APBA1: variants seen among roughly 807,000 people sequenced by gnomAD.
APBA1 encodes the protein amyloid-beta A4 precursor protein-binding family A member 1.
APBA1 carries 55 observed loss-of-function variants against 86.6 expected under a neutral mutation model. The observed-to-expected ratio is 0.64, with a 90% CI of 0.51 to 0.80. The LOEUF (loss-of-function observed/expected upper bound fraction) is 0.80, where lower values mean the gene tolerates loss of function less well. APBA1 is among the 30% of genes least tolerant of loss of function. APBA1 has a pLI of 0.00. For synonymous variants in APBA1, 511 were observed against 493.9 expected, an observed-to-expected ratio of 1.03 and a Z score of -0.46; for missense variants, 1,090 against 1,183.0, an observed-to-expected ratio of 0.92 and a Z score of 1.15.
intron 1 of APBA1, among the ~76,000 whole-genome samples, chr9:69,634,727 G>A (rs552286858): frequency 2.6e-5 from 4 of 152,234 alleles, no homozygotes; most frequent in East Asian, 3.9e-4. Context: ...AAAGCAGCAC[G>A]ATAAAAGAAA....
intron 12 of APBA1, among the ~76,000 whole-genome samples, chr9:69,431,930 CTGACAGCAGTGATAAATGAA>C (rs1834605111): frequency 6.9e-6 from 1 of 145,374 alleles, no homozygotes; most frequent in Non-Finnish European, 1.5e-5. Flanking sequence ...GCAGTGTTGA[CTGACAGCAGTGATAAATGAA>C]TGACAGCAGT....
At chr9:69,665,927 C>T (rs1308179000) in intron 1 of APBA1, among the ~76,000 whole-genome samples, 1 of 152,138 alleles carries the variant, frequency 6.6e-6, no homozygotes, top group Non-Finnish European at 1.5e-5. Context: ...GTAGAGACAG[C>T]ATTTCGCCAT....
At chr9:69,543,263 CT>C (rs1390430687) in intron 1 of APBA1, among the ~76,000 whole-genome samples, 1 of 95,278 alleles carries the variant, frequency 1.0e-5, no homozygotes, top group East Asian at 3.5e-4. Context: ...CCACTCCCTG[CT>C]GTGCTGGGAT....
intron 1 of APBA1, among the ~76,000 whole-genome samples, chr9:69,522,973 C>T (rs1020763559): frequency 4.9e-4 from 75 of 152,178 alleles, no homozygotes; most frequent in African/African-American, 1.7e-3. Context: ...CTGTGGCATC[C>T]TGGCTACAGG....
chr9:69,639,154 C>T (rs1247439129), intron 1 of APBA1, among the ~76,000 whole-genome samples: 2 of 152,054 alleles, frequency 1.3e-5, no homozygotes, highest in Admixed American at 1.3e-4. Context: ...ATTTTTTCGG[C>T]ATTATTTTCA....
At chr9:69,577,095 A>C (rs1265573989) in intron 1 of APBA1, among the ~76,000 whole-genome samples, 2 of 152,192 alleles carry the variant, frequency 1.3e-5, no homozygotes, top group Non-Finnish European at 2.9e-5. Context: ...TAGCATATCC[A>C]TCATCTCAAA....
intron 1 of APBA1, among the ~76,000 whole-genome samples, chr9:69,612,745 T>C (rs940020419): frequency 6.6e-6 from 1 of 151,990 alleles, no homozygotes; most frequent in Non-Finnish European, 1.5e-5. Context: ...AGAAAAACTA[T>C]GTTCTTTATT....
rs80027888 is a variant in APBA1, at chr9:69,622,304, T to C, written c.-70+49849A>G. 5.9e-3 allele frequency among the ~76,000 whole-genome samples: 905 copies of C among 152,296 alleles called. 7 individuals carry two copies. Among genetic ancestry groups the C allele is most frequent in the African/African-American group, 0.02 (852 of 41,564 alleles). On this transcript the variant is annotated intron_variant, in intron 1 of 12. Transcript: ENST00000265381. ...ACATCTCCTCCAGCAAAATCATCTC[T>C]AGAAAGTGAAACAAAGAAATGAATC... is the stretch of plus-strand genomic sequence containing the variant.
At chr9:69,666,495 C>A (rs1181127029) in intron 1 of APBA1, among the ~76,000 whole-genome samples, 2 of 151,434 alleles carry the variant, frequency 1.3e-5, no homozygotes, top group Non-Finnish European at 2.9e-5. Flanking sequence ...TATTTTTAAT[C>A]TCCTTCCACT....
chr9:69,432,015 T>C (rs1360478965), intron 12 of APBA1, among the ~76,000 whole-genome samples: 2 of 152,098 alleles, frequency 1.3e-5, no homozygotes, highest in African/African-American at 2.4e-5. Flanking sequence ...ACAGCAGTGA[T>C]GAATGACAGC....
At chr9:69,448,016 C>G (rs1480996154) in intron 10 of APBA1, among the ~76,000 whole-genome samples, 1 of 152,088 alleles carries the variant, frequency 6.6e-6, no homozygotes, top group Non-Finnish European at 1.5e-5. Context: ...TAGCCCCACC[C>G]CCCCGCTTGC....
intron 1 of APBA1, among the ~76,000 whole-genome samples, chr9:69,518,079 C>T (rs553198628): frequency 8.5e-5 from 13 of 152,196 alleles, no homozygotes; most frequent in Non-Finnish European, 1.5e-4. Flanking sequence ...TTCCCTATTG[C>T]GCACTCAGCA....
chr9:69,626,837 A>C lies in APBA1; in HGVS notation c.-70+45316T>G, dbSNP rs1316021078. On this transcript the variant is annotated intron_variant, in intron 1 of 12. Coordinates refer to ENST00000265381, the MANE Select transcript of APBA1 (RefSeq NM_001163.4). ...CTTGGCCCATATTTATTTACCTACT[A>C]ATGTCAGCCAGTAAGCCCTCAAACT... 2.0e-5 allele frequency among the ~76,000 whole-genome samples: 3 copies of C among 151,964 alleles called. No individual in the cohort carries two copies. In the East Asian group the frequency reaches 5.8e-4, roughly 29 times the overall value.
intron 1 of APBA1, among the ~76,000 whole-genome samples, chr9:69,671,800 A>G (rs899568111): frequency 8.6e-5 from 13 of 151,850 alleles, no homozygotes; most frequent in Admixed American, 5.9e-4. Context: ...TCACCCCCCA[A>G]CACCTCCGTC....
At position 69,427,984 on chromosome 9, in the gene APBA1, G is replaced by A. The variant is rs1834517210; in HGVS notation, c.*3343C>T. Reference sequence around the variant, plus strand: ...AGTCCTCACACACTGCCTTGATGGAGGGGAAGAAAGATCGAGTTGTGTGCT... The same window carrying A: ...AGTCCTCACACACTGCCTTGATGGAAGGGAAGAAAGATCGAGTTGTGTGCT... On this transcript the variant is annotated 3_prime_UTR_variant, in exon 13 of 13. Transcript: ENST00000265381. 1 of 152,240 alleles carries A rather than the reference G, an allele frequency of 6.6e-6. No homozygotes were observed. The highest frequency in any genetic ancestry group is 6.5e-5 in the Admixed American group (1 of 15,274). The allele number at this position is 152,240 out of a possible 1,614,324, so 9.4% of individuals were successfully genotyped here.
intron 1 of APBA1, among the ~76,000 whole-genome samples, chr9:69,558,704 A>G (rs1480182218): frequency 6.6e-6 from 1 of 151,966 alleles, no homozygotes; most frequent in Non-Finnish European, 1.5e-5. Flanking sequence ...TGTTATGCCT[A>G]GTACCCAATA....
rs149159469 is a variant in APBA1 at position 69,430,751 on chromosome 9, T to C, written c.*576A>G. 8.6e-3 allele frequency: 1,305 copies of C among 152,410 alleles called. 9 individuals carry two copies. The highest frequency in any genetic ancestry group is 0.015 in the Non-Finnish European group (987 of 68,010). 9.4% of individuals were successfully genotyped at this position (152,410 alleles called of 1,614,324 possible). A position where few individuals can be genotyped will look rare whatever the true frequency, so the allele number is the denominator to read the frequency against. On this transcript the variant is annotated 3_prime_UTR_variant, in exon 13 of 13. Transcript: ENST00000265381. ...GCTCGTATTAGAAAACACACATACG[T>C]TGAAATTAGAACTAGCAATAGAAGA...
chr9:69,598,191 C>T (rs1312962042), intron 1 of APBA1, among the ~76,000 whole-genome samples: 1 of 151,936 alleles, frequency 6.6e-6, no homozygotes, highest in Non-Finnish European at 1.5e-5. Context: ...AGAACAAAAA[C>T]CAAACACTGC....
At chr9:69,628,552 C>T (rs1822977093) in intron 1 of APBA1, among the ~76,000 whole-genome samples, 1 of 152,184 alleles carries the variant, frequency 6.6e-6, no homozygotes, top group Non-Finnish European at 1.5e-5. Context: ...AATATTCAGA[C>T]AGTGACAGGC....
Sources: gnomAD v4.1 joint callset for allele counts (sites outside exome capture counted in the v4.1 genomes callset) on GRCh38, gnomAD v4.1.1 for gene constraint, MANE v1.5 for transcripts, NCBI Gene and HGNC (gene_info 2026-07-23, HGNC 2026-07-21) for gene names.